GPAM: variants seen among roughly 807,000 people sequenced by gnomAD.
GPAM encodes glycerol-3-phosphate acyltransferase, mitochondrial.
Under a neutral mutation model 105.0 loss-of-function variants are expected in GPAM, and 56 were observed. The observed-to-expected ratio is 0.53, with a 90% confidence interval of 0.43 to 0.67. The LOEUF is 0.67. Among genes scored for constraint, GPAM ranks in the 30% least tolerant of loss-of-function variants. The pLI, the probability that GPAM is intolerant of heterozygous loss-of-function variation, is 0.00. For synonymous variants in GPAM, 368 were observed against 354.4 expected (o/e 1.04, Z -0.43); for missense variants, 855 against 989.8 (o/e 0.86, Z 1.83).
chr10:112,161,401 T>A (rs2792736), intron 15 of GPAM, among the ~76,000 whole-genome samples: 107,918 of 152,120 alleles, frequency 0.71, 38,365 homozygotes, highest in South Asian at 0.83. Flanking sequence ...TGTTAATGAG[T>A]TAGACCTTAT....
In GPAM at chr10:112,175,566, C is replaced by G. The variant is rs374065741; in HGVS notation, c.413+34G>C. The G allele has an allele frequency of 4.1e-4, 458 of 1,127,362 alleles. 4 individuals carry two copies. In the Middle Eastern group the frequency reaches 0.014, roughly 33 times the overall value. 69.8% of individuals were successfully genotyped at this position (1,127,362 alleles called of 1,614,324 possible). A position where few individuals can be genotyped will look rare whatever the true frequency, so the allele number is the denominator to read the frequency against. ...TCCCACTCCTACCGCCCATCCCTGC[C>G]TCTTCCCACCTTTACACCTTGCCCC... is the stretch of plus-strand genomic sequence containing the variant. On this transcript the variant is annotated intron_variant, in intron 6 of 21. Coordinates refer to ENST00000348367, the MANE Select transcript of GPAM (RefSeq NM_001244949.2).
intron 1 of GPAM, among the ~76,000 whole-genome samples, chr10:112,210,783 T>G (rs1458827780): frequency 1.3e-5 from 2 of 152,198 alleles, no homozygotes; most frequent in Non-Finnish European, 2.9e-5. Flanking sequence ...ACCAGCCATT[T>G]GTAAGAGATG....
chr10:112,181,649 G>T, intron 3 of GPAM, 34 bp downstream of exon 3: 2 of 1,135,830 alleles, frequency 1.8e-6, no homozygotes, highest in Non-Finnish European at 2.7e-6. Flanking sequence ...AACATTTTTA[G>T]GCTGAGTGCT....
chr10:112,208,409 T>C (rs1342022311), intron 1 of GPAM, among the ~76,000 whole-genome samples: 1 of 152,234 alleles, frequency 6.6e-6, no homozygotes, highest in African/African-American at 2.4e-5. Context: ...TAGATTTTCA[T>C]GACTCTGGCC....
intron 5 of GPAM, among the ~76,000 whole-genome samples, chr10:112,177,594 C>T (rs1162803497): frequency 6.6e-6 from 1 of 152,144 alleles, no homozygotes; most frequent in Non-Finnish European, 1.5e-5. Flanking sequence ...TCTTTTAACA[C>T]CCTACAGATT....
At chr10:112,178,433 C>T (rs2133263131) in intron 4 of GPAM, among the ~76,000 whole-genome samples, 1 of 152,018 alleles carries the variant, frequency 6.6e-6, no homozygotes, top group Admixed American at 6.6e-5. Context: ...GCCTGTAATC[C>T]CAGCTACTTG....
At chr10:112,203,624 A>G (rs1847825231) in intron 1 of GPAM, among the ~76,000 whole-genome samples, 1 of 152,236 alleles carries the variant, frequency 6.6e-6, no homozygotes, top group Non-Finnish European at 1.5e-5. Context: ...ATTAGTGTTT[A>G]GAGTTACCAT....
Position 112,158,328 on chromosome 10 carries a change from A to G in GPAM, c.1968T>C (p.Leu656=), listed in dbSNP as rs758392793. The change falls in exon 18 of 22, where the codon CTT becomes CTC. Residue 656 remains leucine (L), a synonymous_variant. Coordinates refer to ENST00000348367, the MANE Select transcript of GPAM (RefSeq NM_001244949.2). ...CTCTACCTCTTACCTCTGCCACTGT[A>G]AGAATGCCATACTGGATAAACTTTC... ...TVGKFIQYGI[L]TVAEHDDQED... is the part of the protein sequence containing the mutation. The G allele has an allele frequency of 7.0e-6, 11 of 1,580,860 alleles. No individual in the cohort carries two copies. The highest frequency in any genetic ancestry group is 6.7e-5 in the East Asian group (3 of 44,734).
rs540047277 is a variant in GPAM at position 112,189,844 on chromosome 10, AC to A, written n.211-6954del. 1.3e-4 allele frequency among the ~76,000 whole-genome samples: 20 copies of A among 152,156 alleles called. 1 individual carries two copies. In the South Asian group the frequency reaches 3.1e-3, roughly 24 times the overall value. On this transcript the variant is annotated intron_variant and non_coding_transcript_variant, in intron 1 of 3. Coordinates refer to the GPAM transcript ENST00000480130. ...CACCTCTGGATTTTGCCAAACCTCT[AC>A]CTGTGTAAGCCATTACAATGTTGTC...
intron 1 of GPAM, among the ~76,000 whole-genome samples, chr10:112,195,353 AC>A (rs1243498623): frequency 6.6e-6 from 1 of 151,212 alleles, no homozygotes; most frequent in Non-Finnish European, 1.5e-5. Flanking sequence ...TAATCTCACC[AC>A]CCCCCATCTC....
chr10:112,189,476 C>A (rs894944902), intron 1 of GPAM, among the ~76,000 whole-genome samples: 2 of 152,202 alleles, frequency 1.3e-5, no homozygotes, highest in African/African-American at 4.8e-5. Flanking sequence ...CACTTCCCTA[C>A]TTCCAGCTGA....
intron 1 of GPAM, among the ~76,000 whole-genome samples, chr10:112,199,088 A>AGTGT (rs1564689388): frequency 2.2e-5 from 2 of 88,948 alleles, no homozygotes; most frequent in East Asian, 3.5e-4. Context: ...ACGCCTGGCT[A>AGTGT]ATGTGTGTGT....
At position 112,164,581 on chromosome 10, in the gene GPAM, C is replaced by G. The variant is rs140253495; in HGVS notation, c.1251G>C (p.Pro417=). 2,834 of 1,604,960 alleles carry G rather than the reference C, an allele frequency of 1.8e-3. 24 individuals are homozygous for G. Among genetic ancestry groups the G allele is most frequent in the Middle Eastern group, 9.9e-3 (60 of 6,038 alleles). ...GCTCCAGGGAAAGTAGAGCAGACAC[C>G]GGTTTCTGACTTTGGCTTTCTAAAT... ...KEYLESQSQK[P]VSALLSLEQA... The change falls in exon 13 of 22, where the codon CCG becomes CCC. Residue 417 remains proline, a synonymous_variant. Coordinates refer to ENST00000348367, the MANE Select transcript of GPAM (RefSeq NM_001244949.2).
At chr10:112,171,767 C>T (rs545587271) in intron 9 of GPAM, among the ~76,000 whole-genome samples, 1 of 152,304 alleles carries the variant, frequency 6.6e-6, no homozygotes, top group African/African-American at 2.4e-5. Flanking sequence ...GTGGTTCTAG[C>T]TCTACTAAAT....
At chr10:112,182,026 A>C (rs917816675) in intron 2 of GPAM, among the ~76,000 whole-genome samples, 14 of 152,242 alleles carry the variant, frequency 9.2e-5, no homozygotes, top group African/African-American at 3.4e-4. Context: ...AAAAATCAGC[A>C]TTTGTATTCT....
Position 112,173,769 on chromosome 10 carries a change from T to C in GPAM, c.490A>G (p.Asn164Asp). 2 of 1,613,834 alleles carry C rather than the reference T, an allele frequency of 1.2e-6. No individual in the cohort carries two copies. The highest frequency in any genetic ancestry group is 8.5e-7 in the Non-Finnish European group (1 of 1,179,732). Residue 164 changes from asparagine to aspartate, a missense_variant, in exon 7 of 22, where the codon AAC (asparagine) becomes GAC (aspartate). Coordinates refer to ENST00000348367, the MANE Select transcript of GPAM (RefSeq NM_001244949.2). ...GSAQQQSKAV[N>D]KVKKKAKRIL... ...CTTTTAGCTTTCTTTTTCACTTTGT[T>C]AACGGCTTTTGATTGCTGCTGGGCA...
At position 112,151,114 on chromosome 10, in the gene GPAM, T is replaced by G. The variant is rs1846909087; in HGVS notation, c.*2436A>C. The stretch of plus-strand genomic sequence containing the variant: ...TGCAGTTTCATGTTGTTTAATATTG[T>G]TTTTTTTTTTTAACTTGACCACAGT... On this transcript the variant is annotated 3_prime_UTR_variant, in exon 22 of 22. Transcript: ENST00000348367. 3 of 516,766 alleles carry G rather than the reference T, an allele frequency of 5.8e-6. No homozygotes were observed. Among genetic ancestry groups the G allele is most frequent in the Non-Finnish European group, 7.2e-6 (3 of 415,524 alleles). The allele number at this position is 516,766 out of a possible 1,614,324, so 32.0% of individuals were successfully genotyped here.
chr10:112,174,270 G>T (rs1454626612), intron 6 of GPAM, among the ~76,000 whole-genome samples: 6 of 152,138 alleles, frequency 3.9e-5, no homozygotes. Context: ...CTTTTAATTT[G>T]TATTGTGACT....
At position 112,153,272 on chromosome 10, in the gene GPAM, C is replaced by T. The variant is rs1440742930; in HGVS notation, c.*278G>A. On this transcript the variant is annotated 3_prime_UTR_variant, in exon 22 of 22. Coordinates refer to ENST00000348367, the MANE Select transcript of GPAM (RefSeq NM_001244949.2). ...TTAAAATGTCAATCTTTAATAAACT[C>T]AAAAATAATTTATTGAGATTTCATC... The T allele has an allele frequency of 1.6e-6, 2 of 1,246,264 alleles. No homozygotes were observed. The highest frequency in any genetic ancestry group is 3.5e-5 in the Admixed American group (1 of 28,258). The allele number at this position is 1,246,264 out of a possible 1,614,324, so 77.2% of individuals were successfully genotyped here.
Sources: allele counts gnomAD v4.1 joint callset (sites outside exome capture counted in the v4.1 genomes callset), GRCh38; gene constraint gnomAD v4.1.1; transcripts MANE v1.5; gene names NCBI Gene and HGNC (gene_info 2026-07-23, HGNC 2026-07-21).